Variants in TCERG1L observed in about 807,000 individuals in gnomAD.
TCERG1L encodes transcription elongation regulator 1 like.
TCERG1L carries 37 observed loss-of-function variants against 56.3 expected under a neutral mutation model. The observed-to-expected ratio is 0.66, with a 90% CI of 0.51 to 0.87. The LOEUF is 0.87. Among genes scored for constraint, TCERG1L ranks in the 40% least tolerant of loss-of-function variants. The probability of loss-of-function intolerance (pLI) is 0.00; values close to 1 mark genes in which losing one functional copy is unlikely to be tolerated. For synonymous variants in TCERG1L, 324 were observed against 326.3 expected, an observed-to-expected ratio of 0.99 and a Z score of 0.08; for missense variants, 799 against 774.2, an observed-to-expected ratio of 1.03 and a Z score of -0.38.
intron 4 of TCERG1L, among the ~76,000 whole-genome samples, chr10:131,243,000 T>C (rs1845989919): frequency 6.6e-6 from 1 of 152,194 alleles, no homozygotes; most frequent in African/African-American, 2.4e-5. Flanking sequence ...AAGGTCACCA[T>C]TTTGTGAAAC....
At chr10:131,175,882 G>A (rs1032641411) in intron 4 of TCERG1L, among the ~76,000 whole-genome samples, 15 of 152,144 alleles carry the variant, frequency 9.9e-5, no homozygotes, top group African/African-American at 3.6e-4. Context: ...CAGACAGGAA[G>A]CGGGGAGGAA....
rs1015139287 is a variant in TCERG1L at position 131,311,647 on chromosome 10, G to A, written c.-12C>T. 6.3e-6 allele frequency: 7 copies of A among 1,118,120 alleles called. No individual in the cohort carries two copies. The highest frequency in any genetic ancestry group is 7.6e-6 in the Non-Finnish European group (7 of 915,370). 69.3% of individuals were successfully genotyped at this position (1,118,120 alleles called of 1,614,324 possible). A position where few individuals can be genotyped will look rare whatever the true frequency, so the allele number is the denominator to read the frequency against. ...GCGCCCGCCTGCATCCTACATCCCC[G>A]CGCTGACGGCGGCGGCGGGGGCGGC... On this transcript the variant is annotated 5_prime_UTR_variant, in exon 1 of 12. Transcript: ENST00000368642. This position sits in a 1 kb window ranked among gnomAD's most constrained non-coding sequence, Gnocchi z 4.0.
chr10:131,100,338 G>A (rs1845293172), intron 10 of TCERG1L, among the ~76,000 whole-genome samples: 1 of 152,158 alleles, frequency 6.6e-6, no homozygotes, highest in Admixed American at 6.5e-5. Context: ...AGCCTGGCTG[G>A]CCGTGGGGTC....
At chr10:131,294,066 T>C (rs1589775670) in intron 3 of TCERG1L, among the ~76,000 whole-genome samples, 1 of 152,190 alleles carries the variant, frequency 6.6e-6, no homozygotes, top group African/African-American at 2.4e-5. Flanking sequence ...CTTTAACTTT[T>C]ATTATGAAAT....
At chr10:131,116,280 G>A (rs965218436) in intron 9 of TCERG1L, among the ~76,000 whole-genome samples, 4 of 152,154 alleles carry the variant, frequency 2.6e-5, no homozygotes, top group African/African-American at 9.7e-5. Context: ...TCATCTGAAG[G>A]GAGGGAGTAC....
intron 4 of TCERG1L, among the ~76,000 whole-genome samples, chr10:131,171,124 G>A (rs1846088029): frequency 6.6e-6 from 1 of 150,602 alleles, no homozygotes; most frequent in African/African-American, 2.5e-5. Context: ...CAGCCTGGGT[G>A]ACAGAGCGAG....
At chr10:131,257,868 G>GT (rs774131165) in intron 4 of TCERG1L, among the ~76,000 whole-genome samples, 3 of 152,214 alleles carry the variant, frequency 2.0e-5, no homozygotes, top group East Asian at 1.9e-4. Flanking sequence ...AGTCCAGAAT[G>GT]TAAGTAAAAC....
chr10:131,237,707 G>C (rs185935287), intron 4 of TCERG1L, among the ~76,000 whole-genome samples: 2 of 152,344 alleles, frequency 1.3e-5, no homozygotes, highest in Admixed American at 6.5e-5. Context: ...CTCTTGGCTT[G>C]AGAAGCTAGT....
chr10:131,168,752 G>A (rs978321040), intron 4 of TCERG1L, among the ~76,000 whole-genome samples: 2 of 152,320 alleles, frequency 1.3e-5, no homozygotes, highest in African/African-American at 4.8e-5. Context: ...AATAGGCTGA[G>A]CAGGGATCCC....
chr10:131,304,535 G>A (rs929623709), intron 3 of TCERG1L, among the ~76,000 whole-genome samples: 1 of 151,940 alleles, frequency 6.6e-6, no homozygotes. Context: ...TGAGGAAGAG[G>A]TGGTGACTGT....
At chr10:131,185,462 A>G (rs1845226474) in intron 4 of TCERG1L, among the ~76,000 whole-genome samples, 1 of 152,242 alleles carries the variant, frequency 6.6e-6, no homozygotes, top group Non-Finnish European at 1.5e-5. Context: ...AGAATGGGAG[A>G]AAATATTTGC....
chr10:131,265,229 C>CA (rs926330899), intron 3 of TCERG1L, among the ~76,000 whole-genome samples: 4 of 151,976 alleles, frequency 2.6e-5, no homozygotes, highest in Non-Finnish European at 5.9e-5. Flanking sequence ...GATTTTGTTG[C>CA]AAAAAATCAT....
At chr10:131,156,780 G>A (rs1303239830) in intron 6 of TCERG1L, among the ~76,000 whole-genome samples, 1 of 151,816 alleles carries the variant, frequency 6.6e-6, no homozygotes, top group Non-Finnish European at 1.5e-5. Context: ...TTGCTCAATC[G>A]ATCACGACCC....
chr10:131,249,634 GCTTT>G (rs1227589844), intron 4 of TCERG1L, among the ~76,000 whole-genome samples: 3 of 152,164 alleles, frequency 2.0e-5, no homozygotes, highest in Non-Finnish European at 2.9e-5. Flanking sequence ...TCAGAAGTAA[GCTTT>G]CTTTCTACTT....
At position 131,134,444 on chromosome 10, in the gene TCERG1L, G is replaced by C; in HGVS notation, c.1194C>G (p.Asp398Glu). The change falls in exon 8 of 12, where the codon GAC (aspartate) becomes GAG (glutamate). Residue 398 changes from aspartate (D) to glutamate (E), a missense_variant. Transcript: ENST00000368642. ...HKRKLEAPATDNSDGSSSEDN... is the reference protein window; with the variant it reads ...HKRKLEAPATENSDGSSSEDN... Reference sequence around the variant, plus strand: ...CTTCAGAACTGGACCCATCGCTGTTGTCAGCTGAAAGAAAATCAGATGAAC... The same window carrying C: ...CTTCAGAACTGGACCCATCGCTGTTCTCAGCTGAAAGAAAATCAGATGAAC... The C allele has an allele frequency of 1.3e-6, 2 of 1,590,490 alleles. No homozygotes were observed. The highest frequency in any genetic ancestry group is 2.3e-5 in the South Asian group (2 of 86,894).
At chr10:131,255,254 T>C (rs1040762999) in intron 4 of TCERG1L, among the ~76,000 whole-genome samples, 1 of 152,176 alleles carries the variant, frequency 6.6e-6, no homozygotes, top group East Asian at 1.9e-4. Flanking sequence ...GTGAACAAGA[T>C]GGTACCACCA....
At chr10:131,136,406 C>T (rs1012651280) in intron 7 of TCERG1L, among the ~76,000 whole-genome samples, 17 of 152,092 alleles carry the variant, frequency 1.1e-4, no homozygotes, top group Admixed American at 5.2e-4. Flanking sequence ...GTGAGCACTT[C>T]TACGTCATGT....
At chr10:131,173,923 G>A (rs1489640633) in intron 4 of TCERG1L, among the ~76,000 whole-genome samples, 1 of 152,186 alleles carries the variant, frequency 6.6e-6, no homozygotes, top group East Asian at 1.9e-4. Context: ...CCCCTGTCCA[G>A]AGCTCCCCCT....
chr10:131,309,284 G>A lies in TCERG1L; in HGVS notation c.358C>T (p.His120Tyr). The change falls in exon 2 of 12, where the codon CAT becomes TAT. Residue 120 changes from histidine to tyrosine, a missense_variant. His to Tyr is a moderately conservative substitution (Grantham distance 83). Transcript: ENST00000368642. ...GGGGGCAGTCCTAGGGACGGAGAAT[G>A]GCCACCAAACAGCCACTGCAAGCCA... ...ALHGQWLFGG[H>Y]SPSLGLPPSS... is the part of the protein sequence containing the mutation. 1 of 1,594,008 alleles carries A rather than the reference G, an allele frequency of 6.3e-7. No homozygotes were observed. Among genetic ancestry groups the A allele is most frequent in the Non-Finnish European group, 8.5e-7 (1 of 1,172,616 alleles).
Sources: gnomAD v4.1 joint callset for allele counts (sites outside exome capture counted in the v4.1 genomes callset) on GRCh38, gnomAD v4.1.1 for gene constraint, Gnocchi (gnomAD v3.1) non-coding constraint, MANE v1.5 for transcripts, NCBI Gene and HGNC (gene_info 2026-07-23, HGNC 2026-07-21) for gene names.